ALDH1L1: variants seen among roughly 807,000 people sequenced by gnomAD.
ALDH1L1 encodes the protein cytosolic 10-formyltetrahydrofolate dehydrogenase.
Under a neutral mutation model 101.1 loss-of-function variants are expected in ALDH1L1, and 68 were observed. That is an observed-to-expected ratio of 0.67 (90% CI 0.55 to 0.82). ALDH1L1 has a LOEUF of 0.82. Ranked by LOEUF, ALDH1L1 falls within the 40% of genes least tolerant of loss-of-function variation. The probability of loss-of-function intolerance (pLI) is 0.00; values close to 1 mark genes in which losing one functional copy is unlikely to be tolerated. For missense variants in ALDH1L1, 1,087 were observed against 1,172.7 expected (o/e 0.93, Z 1.07); for synonymous variants, 486 against 470.8 (o/e 1.03, Z -0.42).
At chr3:126,112,530 A>G (rs1353075503) in intron 19 of ALDH1L1, among the ~76,000 whole-genome samples, 1 of 152,174 alleles carries the variant, frequency 6.6e-6, no homozygotes, top group East Asian at 1.9e-4. Context: ...TTTCTAGGGG[A>G]CCAACCCAAG....
At chr3:126,111,763 T>C (rs1319184881) in intron 19 of ALDH1L1, among the ~76,000 whole-genome samples, 1 of 152,208 alleles carries the variant, frequency 6.6e-6, no homozygotes, top group African/African-American at 2.4e-5. Flanking sequence ...TGGCGGTTGC[T>C]GGCTGTTTCT....
At chr3:126,124,820 C>T (rs1177517350) in intron 15 of ALDH1L1, among the ~76,000 whole-genome samples, 1 of 152,206 alleles carries the variant, frequency 6.6e-6, no homozygotes, top group Non-Finnish European at 1.5e-5. Context: ...TAAATTACTA[C>T]CTAATTTGTG....
chr3:126,112,294 C>T (rs1198211093), intron 19 of ALDH1L1, among the ~76,000 whole-genome samples: 2 of 152,206 alleles, frequency 1.3e-5, no homozygotes, highest in African/African-American at 4.8e-5. Flanking sequence ...ACAGCCAAGC[C>T]TACCTGCCAC....
intron 17 of ALDH1L1, among the ~76,000 whole-genome samples, chr3:126,116,586 C>T (rs1204121682): frequency 6.6e-6 from 1 of 152,134 alleles, no homozygotes; most frequent in Non-Finnish European, 1.5e-5. Context: ...AGGAAGAGAC[C>T]AGCTAGCTTT....
At chr3:126,185,942 T>C (rs1433725968), upstream of ALDH1L1, among the ~76,000 whole-genome samples, 1 of 151,998 alleles carries the variant, frequency 6.6e-6, no homozygotes, top group Admixed American at 6.5e-5. Context: ...CCAGCCACAA[T>C]AGGACAAATG....
chr3:126,155,815 G>T (rs772913997), intron 4 of ALDH1L1: 1 of 207,794 alleles, frequency 4.8e-6, no homozygotes, highest in Non-Finnish European at 9.5e-6. Context: ...AAATGTCCAT[G>T]TTGCTGTCTA....
chr3:126,148,341 A>G (rs890964516), intron 8 of ALDH1L1, among the ~76,000 whole-genome samples: 3 of 152,196 alleles, frequency 2.0e-5, no homozygotes, highest in African/African-American at 7.2e-5. Flanking sequence ...GCCCAGCCTC[A>G]GCTCATGAAG....
Position 126,146,825 on chromosome 3 carries a change from C to T in ALDH1L1, c.1076+10G>A, listed in dbSNP as rs1464206152. 22 of 1,613,698 alleles carry T rather than the reference C, an allele frequency of 1.4e-5. No homozygotes were observed. The highest frequency in any genetic ancestry group is 1.9e-5 in the Non-Finnish European group (22 of 1,179,832). On this transcript the variant is annotated intron_variant, in intron 9 of 22. Transcript: ENST00000393434. ...TACCTGGGACAGGACCCCTCCACTCCTGGCCTTACCTCACAACGTCCACAG... is the reference window on the plus strand; with the variant it reads ...TACCTGGGACAGGACCCCTCCACTCTTGGCCTTACCTCACAACGTCCACAG...
At chr3:126,187,792 C>T (rs1266549581) in intron 1 of ALDH1L1, among the ~76,000 whole-genome samples, 2 of 152,046 alleles carry the variant, frequency 1.3e-5, no homozygotes, top group Non-Finnish European at 2.9e-5. Flanking sequence ...ATGAGAGGGT[C>T]GTGCTGGAGC....
chr3:126,168,107 C>G (rs115875394), intron 1 of ALDH1L1, among the ~76,000 whole-genome samples: 6,473 of 152,064 alleles, frequency 0.043, 193 homozygotes, highest in Non-Finnish European at 0.054. Context: ...AATAAATTGT[C>G]TTAAAATTAA....
intron 1 of ALDH1L1, among the ~76,000 whole-genome samples, chr3:126,161,985 A>G (rs1576478463): frequency 6.6e-6 from 1 of 152,170 alleles, no homozygotes; most frequent in Non-Finnish European, 1.5e-5. Context: ...AAATGGAACC[A>G]TGCAGTGTTT....
chr3:126,170,519 C>T (rs1004413481), intron 1 of ALDH1L1, among the ~76,000 whole-genome samples: 3 of 151,624 alleles, frequency 2.0e-5, no homozygotes, highest in Admixed American at 1.3e-4. Flanking sequence ...TTTACTCTGC[C>T]TAATTAACCT....
At chr3:126,161,832 A>C (rs2081060396) in intron 1 of ALDH1L1, among the ~76,000 whole-genome samples, 1 of 152,198 alleles carries the variant, frequency 6.6e-6, no homozygotes, top group Non-Finnish European at 1.5e-5. Context: ...CACTGTCAAC[A>C]CCACCAGAAA....
intron 14 of ALDH1L1, among the ~76,000 whole-genome samples, chr3:126,126,156 CAG>C (rs758254433): frequency 5.9e-5 from 9 of 152,140 alleles, no homozygotes; most frequent in Non-Finnish European, 1.3e-4. Context: ...GAAGAGAAGA[CAG>C]AGTCAGCAAG....
chr3:126,130,795 C>G (rs1013136420), intron 13 of ALDH1L1, among the ~76,000 whole-genome samples: 1 of 152,216 alleles, frequency 6.6e-6, no homozygotes, highest in Admixed American at 6.5e-5. Flanking sequence ...TGGACCTCCC[C>G]AGGGAGCCTC....
intron 13 of ALDH1L1, 105 bp from the exon 14 acceptor site, chr3:126,130,398 C>T: frequency 3.0e-6 from 3 of 1,005,854 alleles, no homozygotes; most frequent in Non-Finnish European, 2.8e-6. Context: ...TCAAAGCGAC[C>T]AGCTTAGGTG....
chr3:126,137,177 C>T lies in ALDH1L1; in HGVS notation c.1225-294G>A, dbSNP rs191998212. 1.2e-3 allele frequency among the ~76,000 whole-genome samples: 182 copies of T among 152,302 alleles called. 2 individuals are homozygous for T. The East Asian group carries it at 0.028, about 24-fold the overall frequency. The stretch of plus-strand genomic sequence containing the variant: ...GAAAATGCCAGTGGCTAGTGAAGCC[C>T]TTGGCAAGCCCCAGACATGCTACAA... On this transcript the variant is annotated intron_variant, in intron 10 of 22. Coordinates refer to ENST00000393434, the MANE Select transcript of ALDH1L1 (RefSeq NM_012190.4).
intron 4 of ALDH1L1, 146 bp downstream of exon 4, chr3:126,157,197 A>G: frequency 1.0e-6 from 1 of 1,001,742 alleles, no homozygotes; most frequent in Non-Finnish European, 1.4e-6. Flanking sequence ...CCTGCCTCTG[A>G]AACCTTGAAG....
chr3:126,111,902 A>G (rs1946091019), intron 19 of ALDH1L1, among the ~76,000 whole-genome samples: 1 of 152,168 alleles, frequency 6.6e-6, no homozygotes, highest in Admixed American at 6.5e-5. Flanking sequence ...CATGGCCTGG[A>G]TGAAGGATGG....
Sources: allele counts gnomAD v4.1 joint callset (sites outside exome capture counted in the v4.1 genomes callset), GRCh38; gene constraint gnomAD v4.1.1; transcripts MANE v1.5; gene names NCBI Gene and HGNC (gene_info 2026-07-23, HGNC 2026-07-21).